The following NEGR1 variants were observed in gnomAD, a reference collection of about 807,000 sequenced individuals.
The protein encoded by NEGR1 is neuronal growth regulator 1, also known as IgLON family member 4.
NEGR1 carries 10 observed loss-of-function variants against 40.9 expected under a neutral mutation model. The ratio of observed to expected loss-of-function variants is 0.24; its 90% CI spans 0.15 to 0.42. NEGR1 has a LOEUF of 0.42. Among genes scored for constraint, NEGR1 ranks in the 10% least tolerant of loss-of-function variants. The probability of loss-of-function intolerance (pLI) is 1.00; values close to 1 mark genes in which losing one functional copy is unlikely to be tolerated. For missense variants in NEGR1, 352 were observed against 438.9 expected, an observed-to-expected ratio of 0.80 and a Z score of 1.77; for synonymous variants, 185 against 166.8, an observed-to-expected ratio of 1.11 and a Z score of -0.84.
At chr1:71,682,613 A>C (rs1308890803) in intron 4 of NEGR1, among the ~76,000 whole-genome samples, 1 of 152,178 alleles carries the variant, frequency 6.6e-6, no homozygotes, top group Non-Finnish European at 1.5e-5. Flanking sequence ...AAATTTAAAT[A>C]ACGCCTCTAG....
At chr1:72,077,999 C>T (rs1455588842) in intron 1 of NEGR1, among the ~76,000 whole-genome samples, 3 of 152,082 alleles carry the variant, frequency 2.0e-5, no homozygotes, top group Admixed American at 1.3e-4. Context: ...AAATATGGAA[C>T]GATGAATGAC....
chr1:71,664,369 T>C (rs1052508712), intron 4 of NEGR1, among the ~76,000 whole-genome samples: 3 of 152,216 alleles, frequency 2.0e-5, no homozygotes, highest in East Asian at 3.8e-4. Flanking sequence ...AATTTGGATA[T>C]GGTAGTTCCT....
intron 1 of NEGR1, among the ~76,000 whole-genome samples, chr1:72,018,798 GCA>G (rs1569832751): frequency 6.6e-6 from 1 of 152,146 alleles, no homozygotes. Flanking sequence ...TTTTTCAGTT[GCA>G]CAGTCAGGGG....
chr1:71,758,341 G>A (rs942205573), intron 3 of NEGR1, among the ~76,000 whole-genome samples: 2 of 151,956 alleles, frequency 1.3e-5, no homozygotes, highest in South Asian at 4.1e-4. Flanking sequence ...GTCACATTAA[G>A]ATTTTACAGT....
intron 5 of NEGR1, among the ~76,000 whole-genome samples, chr1:71,608,054 C>A (rs553691095): frequency 6.6e-6 from 1 of 152,152 alleles, no homozygotes; most frequent in Non-Finnish European, 1.5e-5. Context: ...GCATAGTGAG[C>A]GCAACCATTC....
intron 2 of NEGR1, among the ~76,000 whole-genome samples, chr1:71,856,663 T>A (rs937422036): frequency 1.3e-5 from 2 of 152,030 alleles, no homozygotes; most frequent in Non-Finnish European, 2.9e-5. Context: ...TGTCTACCCA[T>A]CCATTTATTC....
intron 3 of NEGR1, 107 bp downstream of exon 3, chr1:71,776,065 A>G: frequency 1.8e-6 from 1 of 546,848 alleles, no homozygotes. Context: ...CCGCATGAAT[A>G]AAATACAAAA....
chr1:71,831,917 G>A (rs551177901), intron 2 of NEGR1, among the ~76,000 whole-genome samples: 1 of 151,994 alleles, frequency 6.6e-6, no homozygotes, highest in East Asian at 2.0e-4. Context: ...AGGGAGTACT[G>A]ACTAGAATGC....
intron 1 of NEGR1, among the ~76,000 whole-genome samples, chr1:72,190,193 A>C (rs1047543329): frequency 3.3e-5 from 5 of 151,606 alleles, no homozygotes; most frequent in Non-Finnish European, 7.4e-5. Context: ...ATCCATCCAT[A>C]CATGTCAAAA....
At chr1:71,879,145 A>G (rs1660514402) in intron 2 of NEGR1, among the ~76,000 whole-genome samples, 1 of 152,046 alleles carries the variant, frequency 6.6e-6, no homozygotes, top group Non-Finnish European at 1.5e-5. Context: ...AAAAAAAAAA[A>G]AAATAGCAAC....
At chr1:71,426,727 T>G (rs1208336671) in intron 6 of NEGR1, among the ~76,000 whole-genome samples, 4 of 152,180 alleles carry the variant, frequency 2.6e-5, no homozygotes. Context: ...CTTTAAACAC[T>G]CAGAATGAGA....
At chr1:71,832,693 A>G (rs1658880402) in intron 2 of NEGR1, among the ~76,000 whole-genome samples, 1 of 152,060 alleles carries the variant, frequency 6.6e-6, no homozygotes. Context: ...TTAACATTGG[A>G]CAGAGTGGAG....
At chr1:71,851,501 C>T (rs180980959) in intron 2 of NEGR1, among the ~76,000 whole-genome samples, 9 of 152,250 alleles carry the variant, frequency 5.9e-5, no homozygotes, top group African/African-American at 2.2e-4. Context: ...CTTTTTAATT[C>T]ATGTATTTCT....
chr1:71,656,210 G>T (rs1446700940), intron 4 of NEGR1, among the ~76,000 whole-genome samples: 1 of 152,102 alleles, frequency 6.6e-6, no homozygotes, highest in African/African-American at 2.4e-5. Flanking sequence ...TAAAAATGGG[G>T]TCATTATCAT....
chr1:72,134,371 A>C (rs1464489609), intron 1 of NEGR1, among the ~76,000 whole-genome samples: 1 of 151,614 alleles, frequency 6.6e-6, no homozygotes, highest in Non-Finnish European at 1.5e-5. Context: ...ACGCCCGCTA[A>C]TGTTTTGTAT....
chr1:72,082,707 C>G (rs1017137972), intron 1 of NEGR1, among the ~76,000 whole-genome samples: 2 of 140,914 alleles, frequency 1.4e-5, no homozygotes, highest in South Asian at 4.5e-4. Context: ...CAAAACAAAA[C>G]AAAAAACAAA....
chr1:71,813,342 G>C (rs1658073977), intron 2 of NEGR1, among the ~76,000 whole-genome samples: 1 of 152,050 alleles, frequency 6.6e-6, no homozygotes, highest in Non-Finnish European at 1.5e-5. Context: ...TAGCCTTATA[G>C]GATAATTTGA....
intron 4 of NEGR1, among the ~76,000 whole-genome samples, chr1:71,652,709 T>C (rs1371051630): frequency 6.6e-6 from 1 of 151,914 alleles, no homozygotes; most frequent in Non-Finnish European, 1.5e-5. Context: ...CTACCAAAAT[T>C]CTAAAATTAA....
intron 1 of NEGR1, among the ~76,000 whole-genome samples, chr1:71,998,684 G>T (rs890554112): frequency 4.0e-5 from 6 of 151,222 alleles, no homozygotes; most frequent in Non-Finnish European, 7.4e-5. Context: ...ATACACACTT[G>T]CATTTACATT....
Sources: gnomAD v4.1 joint callset for allele counts (sites outside exome capture counted in the v4.1 genomes callset) on GRCh38, gnomAD v4.1.1 for gene constraint, MANE v1.5 for transcripts, NCBI Gene and HGNC (gene_info 2026-07-23, HGNC 2026-07-21) for gene names.